PCLO: variants seen among roughly 807,000 people sequenced by gnomAD.
PCLO encodes the protein protein piccolo.
In PCLO, 82 loss-of-function variants were observed where a neutral mutation model predicts 427.5. The ratio of observed to expected loss-of-function variants is 0.19; its 90% CI spans 0.16 to 0.23. PCLO has a LOEUF of 0.23. Ranked by LOEUF, PCLO falls within the 10% of genes least tolerant of loss-of-function variation. PCLO has a pLI of 1.00. For missense variants in PCLO, 6,239 were observed against 6,115.9 expected (o/e 1.02, Z -0.67); for synonymous variants, 2,357 against 2,155.4 (o/e 1.09, Z -2.59).
At chr7:82,820,670 T>G in intron 20 of PCLO, 1 of 1,230,952 alleles carries the variant, frequency 8.1e-7, no homozygotes, top group Non-Finnish European at 1.0e-6. Context: ...CTCTAAGAAT[T>G]TTCAAAATCC....
At chr7:83,064,246 T>C (rs1045932714) in intron 3 of PCLO, among the ~76,000 whole-genome samples, 6 of 152,014 alleles carry the variant, frequency 3.9e-5, no homozygotes, top group African/African-American at 7.2e-5. Context: ...GTAATTATAT[T>C]TTGAGAGATG....
At chr7:82,763,976 C>T (rs1049548024) in intron 22 of PCLO, among the ~76,000 whole-genome samples, 1 of 151,950 alleles carries the variant, frequency 6.6e-6, no homozygotes, top group Non-Finnish European at 1.5e-5. Flanking sequence ...AGATAAATTT[C>T]ATCAAATGAA....
chr7:82,863,652 A>G (rs1007712736), intron 10 of PCLO, among the ~76,000 whole-genome samples: 2 of 152,066 alleles, frequency 1.3e-5, no homozygotes, highest in Non-Finnish European at 2.9e-5. Context: ...ACAGTTTAAC[A>G]GCAATTTCTG....
chr7:82,915,901 T>C lies in PCLO; in HGVS notation c.12085A>G (p.Ile4029Val). 11 of 1,613,474 alleles carry C rather than the reference T, an allele frequency of 6.8e-6. No individual in the cohort carries two copies. Among genetic ancestry groups the C allele is most frequent in the South Asian group, 1.1e-5 (1 of 91,084 alleles). Residue 4029 changes from isoleucine to valine, a missense_variant, in exon 7 of 25, where the codon ATA becomes GTA. Physicochemically the swap from Ile to Val is conservative, Grantham distance 29 (BLOSUM62 3). This residue lies in a region of PCLO where 680 missense variants were observed against 677.3 expected (regional missense o/e 1.00). Coordinates refer to ENST00000333891, the MANE Select transcript of PCLO (RefSeq NM_033026.6). ...TCTGCATAGAAAGAATCTGCAGATA[T>C]GCTTGATATTGGACTGCTTGCCATG... The part of the protein sequence containing the change: ...SSMASSPISS[I>V]SADSFYADID...
At chr7:83,079,905 T>C (rs1265741288) in intron 3 of PCLO, among the ~76,000 whole-genome samples, 4 of 151,538 alleles carry the variant, frequency 2.6e-5, no homozygotes, top group African/African-American at 9.7e-5. Context: ...CCCAATGTTG[T>C]TGTTCCCCTC....
chr7:82,881,320 G>A (rs968697777), intron 9 of PCLO, among the ~76,000 whole-genome samples: 1 of 152,202 alleles, frequency 6.6e-6, no homozygotes, highest in Non-Finnish European at 1.5e-5. Context: ...TCTTGAAGGT[G>A]AAGTAGTTGG....
chr7:83,091,437 C>T (rs377068549), intron 3 of PCLO, among the ~76,000 whole-genome samples: 273 of 152,178 alleles, frequency 1.8e-3, no homozygotes, highest in African/African-American at 6.3e-3. Context: ...GTTTTTTCCC[C>T]AGTACTTTGC....
intron 21 of PCLO, 22 bp downstream of exon 21, chr7:82,805,666 T>C (rs1180557084): frequency 1.2e-6 from 2 of 1,609,566 alleles, no homozygotes; most frequent in South Asian, 1.1e-5. Context: ...AGCTTTGTAG[T>C]AACAAAAAGA....
chr7:82,970,017 A>G (rs1317274587), intron 3 of PCLO, among the ~76,000 whole-genome samples: 2 of 152,092 alleles, frequency 1.3e-5, no homozygotes, highest in African/African-American at 4.8e-5. Flanking sequence ...AATCAGTCAA[A>G]ATGTAAATAC....
At chr7:83,031,932 A>G (rs569623998) in intron 3 of PCLO, among the ~76,000 whole-genome samples, 77 of 152,240 alleles carry the variant, frequency 5.1e-4, no homozygotes, top group African/African-American at 1.7e-3. Flanking sequence ...ACTACCCTTG[A>G]TATGTCTGCA....
intron 10 of PCLO, among the ~76,000 whole-genome samples, chr7:82,859,329 C>T (rs1231834340): frequency 1.3e-5 from 2 of 152,166 alleles, no homozygotes; most frequent in Non-Finnish European, 2.9e-5. Context: ...TAGGTCTTAC[C>T]CAGTGTAGTC....
At chr7:82,843,736 G>T (rs1460413142) in intron 13 of PCLO, among the ~76,000 whole-genome samples, 1 of 146,510 alleles carries the variant, frequency 6.8e-6, no homozygotes, top group Non-Finnish European at 1.5e-5. Context: ...TGTGATCTCT[G>T]CTCACTGCAA....
intron 6 of PCLO, among the ~76,000 whole-genome samples, chr7:82,925,589 A>C (rs1465166130): frequency 6.6e-6 from 1 of 152,082 alleles, no homozygotes; most frequent in Non-Finnish European, 1.5e-5. Flanking sequence ...CAATACCATT[A>C]GTAATGTGTT....
At chr7:82,818,438 G>A (rs1173681005) in intron 20 of PCLO, among the ~76,000 whole-genome samples, 8 of 152,150 alleles carry the variant, frequency 5.3e-5, no homozygotes, top group African/African-American at 1.9e-4. Flanking sequence ...GGCTTGCACA[G>A]TGGGAAGGCT....
intron 3 of PCLO, among the ~76,000 whole-genome samples, chr7:82,975,074 G>A (rs1795988689): frequency 1.3e-5 from 2 of 152,156 alleles, no homozygotes; most frequent in Admixed American, 1.3e-4. Flanking sequence ...ACCGTGCCCA[G>A]CAGGTATATC....
At chr7:83,111,279 C>A (rs995527552) in intron 3 of PCLO, among the ~76,000 whole-genome samples, 1 of 152,202 alleles carries the variant, frequency 6.6e-6, no homozygotes, top group Non-Finnish European at 1.5e-5. Context: ...CTGGAATACA[C>A]ACCTTGTTTA....
chr7:83,007,759 T>C (rs1787984464), intron 3 of PCLO, among the ~76,000 whole-genome samples: 1 of 151,700 alleles, frequency 6.6e-6, no homozygotes, highest in Non-Finnish European at 1.5e-5. Context: ...GGCAAGTTAG[T>C]TCACTGAGTA....
intron 17 of PCLO, 67 bp from the exon 18 acceptor site, chr7:82,826,727 C>G (rs1791955000): frequency 2.2e-6 from 2 of 918,526 alleles, no homozygotes; most frequent in African/African-American, 3.4e-5. Flanking sequence ...TACACACATA[C>G]AGTAGACATA....
chr7:82,823,974 T>C (rs1362850847), intron 19 of PCLO, among the ~76,000 whole-genome samples: 2 of 152,166 alleles, frequency 1.3e-5, no homozygotes, highest in African/African-American at 4.8e-5. Context: ...TGAGGTGGAA[T>C]AGACCAAATA....
Sources: gnomAD v4.1 joint callset for allele counts (sites outside exome capture counted in the v4.1 genomes callset) on GRCh38, gnomAD v4.1.1 for gene constraint, gnomAD v4.1.1 regional missense constraint, MANE v1.5 for transcripts, NCBI Gene and HGNC (gene_info 2026-07-23, HGNC 2026-07-21) for gene names.